ABHD2: variants seen among roughly 807,000 people sequenced by gnomAD.
The protein encoded by ABHD2 is abhydrolase domain containing 2, acylglycerol lipase.
A neutral mutation model predicts 48.1 loss-of-function variants in ABHD2; 20 were observed. That is an observed-to-expected ratio of 0.42 (90% confidence interval 0.29 to 0.60). The LOEUF (loss-of-function observed/expected upper bound fraction) is 0.60. Ranked by LOEUF, ABHD2 falls within the 20% of genes least tolerant of loss-of-function variation. The pLI is 0.24. For missense variants in ABHD2, 405 were observed against 550.9 expected, an observed-to-expected ratio of 0.74 and a Z score of 2.65; for synonymous variants, 209 against 214.2, an observed-to-expected ratio of 0.98 and a Z score of 0.21.
At chr15:89,042,589 TA>T in the ABHD2 span, among the ~76,000 whole-genome samples, 8 of 23,466 alleles carry the variant, frequency 3.4e-4, no homozygotes, top group African/African-American at 1.5e-3. Flanking sequence ...CTTTCTTTCT[TA>T]TTTATTTATT....
At chr15:89,069,359 C>G in the ABHD2 span, among the ~76,000 whole-genome samples, 1 of 152,004 alleles carries the variant, frequency 6.6e-6, no homozygotes, top group African/African-American at 2.4e-5. Context: ...AACTCCTGGC[C>G]TCAAATGATT....
At chr15:89,101,125 C>G (rs2049694718) in intron 1 of ABHD2, among the ~76,000 whole-genome samples, 1 of 152,148 alleles carries the variant, frequency 6.6e-6, no homozygotes, top group African/African-American at 2.4e-5. Flanking sequence ...CGGGCCTTTC[C>G]TTTCTTCTGC....
chr15:89,068,754 C>CTTTTTTTTTTTTTTTTTT, the ABHD2 span, among the ~76,000 whole-genome samples: 11 of 71,392 alleles, frequency 1.5e-4, 3 homozygotes, highest in Non-Finnish European at 2.4e-4. Context: ...CAAGCTTCCT[C>CTTTTTTTTTTTTTTTTTT]TTTTTTTTTT....
rs936642498 is a variant in ABHD2 at position 89,164,643 on chromosome 15, G to A, written c.538+9109G>A. Among the ~76,000 whole-genome samples the A allele has an allele frequency of 6.6e-6, 1 of 151,896 alleles. No homozygotes were observed. Among genetic ancestry groups the A allele is most frequent in the Non-Finnish European group, 1.5e-5 (1 of 67,972 alleles). ...TCTCTACTAAAAATGAAAAAAGCCA[G>A]GTGTGATGATACACACCTGTAATCT... On this transcript the variant is annotated intron_variant, in intron 5 of 10. Coordinates refer to ENST00000352732, the MANE Select transcript of ABHD2 (RefSeq NM_152924.5). This position sits in a 1 kb window ranked among gnomAD's most constrained non-coding sequence, Gnocchi z 5.0.
At chr15:89,078,829 C>T in the ABHD2 span, among the ~76,000 whole-genome samples, 1 of 151,464 alleles carries the variant, frequency 6.6e-6, no homozygotes, top group African/African-American at 2.4e-5. Context: ...CTCCCAGATT[C>T]AAGCAATTCT....
At chr15:89,044,813 C>G in the ABHD2 span, among the ~76,000 whole-genome samples, 1 of 152,060 alleles carries the variant, frequency 6.6e-6, no homozygotes, top group African/African-American at 2.4e-5. Flanking sequence ...AGCCCCTTGT[C>G]AGATGAGTAG....
Position 89,102,246 on chromosome 15 carries a change from CCTT to C in ABHD2, c.-106-11472_-106-11470del, listed in dbSNP as rs1254717218. ...GTGGTTCCCAGCTTTGAGTCCACCT[CCTT>C]CTTCTTTCTGCCTCCTTTGTTTGAA... On this transcript the variant is annotated intron_variant, in intron 1 of 10. Coordinates refer to ENST00000352732, the MANE Select transcript of ABHD2 (RefSeq NM_152924.5). This position sits in a 1 kb window ranked among gnomAD's most constrained non-coding sequence, Gnocchi z 4.8. Among the ~76,000 whole-genome samples the C allele has an allele frequency of 2.6e-5, 4 of 152,186 alleles. No homozygotes were observed. The highest frequency in any genetic ancestry group is 1.9e-4 in the East Asian group (1 of 5,186).
chr15:89,060,201 C>G, the ABHD2 span, among the ~76,000 whole-genome samples: 2 of 149,786 alleles, frequency 1.3e-5, no homozygotes, highest in African/African-American at 4.9e-5. Flanking sequence ...AGCAATTCTC[C>G]TGTCTCAGCC....
chr15:89,187,321 A>T (rs1391650974), intron 7 of ABHD2, among the ~76,000 whole-genome samples: 1 of 152,230 alleles, frequency 6.6e-6, no homozygotes, highest in Non-Finnish European at 1.5e-5. Flanking sequence ...AACATTTGGA[A>T]ATTTTAGGTT....
chr15:89,152,424 A>G (rs921507235), intron 4 of ABHD2, among the ~76,000 whole-genome samples: 1 of 152,152 alleles, frequency 6.6e-6, no homozygotes, highest in African/African-American at 2.4e-5. Context: ...AGCTTGATGT[A>G]CGGGGATGAG....
rs1291772739 is a variant in ABHD2 at position 89,097,296 on chromosome 15, G to T, written c.-107+8733G>T. On this transcript the variant is annotated intron_variant, in intron 1 of 10. Transcript: ENST00000352732. The surrounding 1 kb of genome is among the most constrained non-coding windows in gnomAD (Gnocchi z 4.2). ...TGAAATAGATCCCAAACATCATATA[G>T]TTGCATCTGTAAATATTTCCATGAT... 6.6e-6 allele frequency among the ~76,000 whole-genome samples: 1 copy of T among 152,106 alleles called. No individual in the cohort carries two copies. Among genetic ancestry groups the T allele is most frequent in the Non-Finnish European group, 1.5e-5 (1 of 68,032 alleles).
chr15:89,074,312 G>A, the ABHD2 span, among the ~76,000 whole-genome samples: 527 of 152,050 alleles, frequency 3.5e-3, 2 homozygotes, highest in African/African-American at 0.012. Context: ...GGCGGTGGAG[G>A]TTGCAGTGAG....
chr15:89,074,999 T>C, the ABHD2 span, among the ~76,000 whole-genome samples: 1 of 152,090 alleles, frequency 6.6e-6, no homozygotes, highest in Non-Finnish European at 1.5e-5. Context: ...CCCTAAACTT[T>C]AGTACAGAGA....
chr15:89,060,508 C>G, the ABHD2 span, among the ~76,000 whole-genome samples: 6 of 152,138 alleles, frequency 3.9e-5, no homozygotes, highest in Non-Finnish European at 5.9e-5. Flanking sequence ...GACTTATCTG[C>G]CCTCTGCCCC....
At chr15:89,128,558 C>A (rs1339074857) in intron 3 of ABHD2, among the ~76,000 whole-genome samples, 3 of 152,196 alleles carry the variant, frequency 2.0e-5, no homozygotes, top group African/African-American at 7.2e-5. Flanking sequence ...TTGATTGTCT[C>A]TCTTGTAACT....
rs937040101 is a variant in ABHD2, at chr15:89,201,828, C to T, written c.*6405C>T. Reference sequence around the variant, plus strand: ...TGGAGAGACAGCGCAGAGCAGGGGGCGGCTTGCTCGCTGGGGGCGGGGGAC... The same window carrying T: ...TGGAGAGACAGCGCAGAGCAGGGGGTGGCTTGCTCGCTGGGGGCGGGGGAC... On this transcript the variant is annotated 3_prime_UTR_variant, in exon 11 of 11. Coordinates refer to ENST00000352732, the MANE Select transcript of ABHD2 (RefSeq NM_152924.5). The T allele has an allele frequency of 2.6e-6, 3 of 1,170,114 alleles. No individual in the cohort carries two copies. The highest frequency in any genetic ancestry group is 2.5e-6 in the Non-Finnish European group (2 of 812,634). 72.5% of individuals were successfully genotyped at this position (1,170,114 alleles called of 1,614,324 possible).
chr15:89,119,394 G>C (rs1361488048), intron 3 of ABHD2, among the ~76,000 whole-genome samples: 1 of 152,052 alleles, frequency 6.6e-6, no homozygotes, highest in Non-Finnish European at 1.5e-5. Flanking sequence ...CTAATTTTAG[G>C]AATCACTGTA....
intron 5 of ABHD2, among the ~76,000 whole-genome samples, chr15:89,159,436 T>A (rs1335715665): frequency 1.3e-5 from 2 of 152,120 alleles, no homozygotes; most frequent in African/African-American, 4.8e-5. Context: ...GCCTGGTGAA[T>A]GTGCTGCAGC....
rs542784231 is a variant in ABHD2 at position 89,105,799 on chromosome 15, A to G, written c.-106-7926A>G. Among the ~76,000 whole-genome samples the G allele has an allele frequency of 1.4e-4, 21 of 151,882 alleles. No homozygotes were observed. The South Asian group carries it at 3.7e-3, about 27-fold the overall frequency. On this transcript the variant is annotated intron_variant, in intron 1 of 10. Transcript: ENST00000352732. ...ATCTCTGGAAAACAGGATTGGCCCT[A>G]TTGTTTCCAGGGCTTTCCCATCCCT... is the stretch of plus-strand genomic sequence containing the variant.
Sources: allele counts gnomAD v4.1 joint callset (sites outside exome capture counted in the v4.1 genomes callset), GRCh38; gene constraint gnomAD v4.1.1; non-coding constraint Gnocchi (gnomAD v3.1); transcripts MANE v1.5; gene names NCBI Gene and HGNC (gene_info 2026-07-23, HGNC 2026-07-21).